Variants in SSUH2 observed in about 807,000 individuals in gnomAD.
The protein encoded by SSUH2 is ssu-2 homolog, also known as protein SSUH2 homolog.
Under a neutral mutation model 55.3 loss-of-function variants are expected in SSUH2, and 47 were observed. The observed-to-expected ratio is 0.85, with a 90% CI of 0.67 to 1.08. The LOEUF is 1.08. SSUH2 is among the 50% of genes least tolerant of loss of function. The pLI, the probability that SSUH2 is intolerant of heterozygous loss-of-function variation, is 0.00. For synonymous variants in SSUH2, 212 were observed against 191.5 expected (o/e 1.11, Z -0.89); for missense variants, 535 against 490.7 (o/e 1.09, Z -0.85).
Position 8,623,542 on chromosome 3 carries a change from G to T in SSUH2, c.981+7C>A. ...CAGAGCCAGATGGCCCCTCCGCCCT[G>T]GCTCACCTGCTGCAGGACGCGGGCA... On this transcript the variant is annotated splice_region_variant and intron_variant, in intron 11 of 11. Coordinates refer to ENST00000544814, the MANE Select transcript of SSUH2 (RefSeq NM_001256748.3). 1 of 1,532,404 alleles carries T rather than the reference G, an allele frequency of 6.5e-7. No homozygotes were observed. Among genetic ancestry groups the T allele is most frequent in the Non-Finnish European group, 8.9e-7 (1 of 1,129,760 alleles). The allele number at this position is 1,532,404 out of a possible 1,614,324, so 94.9% of individuals were successfully genotyped here. A position where few individuals can be genotyped will look rare whatever the true frequency, so the allele number is the denominator to read the frequency against.
upstream of SSUH2, chr3:8,644,804 T>C (rs1239952788): frequency 3.3e-6 from 5 of 1,526,046 alleles, no homozygotes; most frequent in Admixed American, 2.0e-5. Flanking sequence ...CGAGTGTGCT[T>C]GGACCGATGT....
chr3:8,640,143 G>C (rs778404154), intron 1 of SSUH2: 19 of 299,562 alleles, frequency 6.3e-5, no homozygotes, highest in Non-Finnish European at 9.3e-5. Context: ...AGGGGTTCCA[G>C]AGAAGGATGG....
At chr3:8,653,407 G>C (rs1702625169) in intron 7 of SSUH2, among the ~76,000 whole-genome samples, 1 of 152,200 alleles carries the variant, frequency 6.6e-6, no homozygotes, top group South Asian at 2.1e-4. Context: ...ATGTAAATTT[G>C]CTTATAAGTG....
At chr3:8,629,633 C>CTGACTCACCAGTGGTTCACATA in intron 7 of SSUH2, 31 bp downstream of exon 7, 10 of 1,587,724 alleles carry the variant, frequency 6.3e-6, no homozygotes, top group Non-Finnish European at 8.6e-6. Context: ...CACACCCTCA[C>CTGACTCACCAGTGGTTCACATA]TGACTCACCA....
At chr3:8,658,371 T>G (rs1575318608) in intron 7 of SSUH2, among the ~76,000 whole-genome samples, 1 of 152,026 alleles carries the variant, frequency 6.6e-6, no homozygotes, top group Admixed American at 6.5e-5. Context: ...AAAGAGGGGG[T>G]ACTCTGGGCC....
At chr3:8,681,004 G>GC (rs1705896189) in intron 1 of SSUH2, among the ~76,000 whole-genome samples, 1 of 151,220 alleles carries the variant, frequency 6.6e-6, no homozygotes, top group Non-Finnish European at 1.5e-5. Flanking sequence ...CCCCATCGCA[G>GC]TGGGGGAGGC....
At position 8,651,290 on chromosome 3, in the gene SSUH2, A is replaced by G. The variant is rs111671393; in HGVS notation, c.-307+7635T>C. On this transcript the variant is annotated intron_variant, in intron 7 of 18. Transcript: ENST00000317371. Reference sequence around the variant, plus strand: ...ATCCAGCCCATTGCATCTCTCGGCTATCTCAGCAAGCGGGGAGGCAAGTGA... The same window carrying G: ...ATCCAGCCCATTGCATCTCTCGGCTGTCTCAGCAAGCGGGGAGGCAAGTGA... Among the ~76,000 whole-genome samples the G allele has an allele frequency of 5.6e-4, 85 of 152,336 alleles. 1 individual carries two copies. Among genetic ancestry groups the G allele is most frequent in the African/African-American group, 1.9e-3 (81 of 41,576 alleles).
At chr3:8,666,537 CGT>C (rs1704008170) in intron 5 of SSUH2, among the ~76,000 whole-genome samples, 1 of 152,058 alleles carries the variant, frequency 6.6e-6, no homozygotes, top group Non-Finnish European at 1.5e-5. Flanking sequence ...CTGGAAGGTG[CGT>C]GTGTTGGGAA....
At chr3:8,661,182 C>T (rs1250851333) in intron 6 of SSUH2, among the ~76,000 whole-genome samples, 1 of 152,186 alleles carries the variant, frequency 6.6e-6, no homozygotes, top group Non-Finnish European at 1.5e-5. Context: ...GGCACTGTCC[C>T]CTGAATCCAC....
At chr3:8,633,605 C>T (rs1182309450) in intron 4 of SSUH2, 61 bp downstream of exon 4, 27 of 1,398,140 alleles carry the variant, frequency 1.9e-5, no homozygotes, top group South Asian at 3.0e-5. Flanking sequence ...CCTCCACTGT[C>T]CCAAAGCCCC....
intron 1 of SSUH2, among the ~76,000 whole-genome samples, chr3:8,641,771 C>T (rs1019422047): frequency 1.3e-5 from 2 of 152,240 alleles, no homozygotes; most frequent in Non-Finnish European, 2.9e-5. Context: ...GGCAGCTTGG[C>T]CCTTGCCAAG....
At chr3:8,679,715 G>C (rs934760582) in exon 2 of SSUH2, 8 of 191,976 alleles carry the variant, frequency 4.2e-5, no homozygotes, top group Non-Finnish European at 6.6e-5. Flanking sequence ...CTGGAGGACT[G>C]TGGGTATTAG....
chr3:8,626,099 C>T lies in SSUH2; in HGVS notation c.767+130G>A, dbSNP rs192332179. On this transcript the variant is annotated intron_variant, in intron 9 of 11. Transcript: ENST00000544814. ...CTGCCTCTTCCAAGGGAATTCTCCC[C>T]CTTCTAAGTCCTGGCAGGTTCTTGC... 6 of 729,846 alleles carry T rather than the reference C, an allele frequency of 8.2e-6. No homozygotes were observed. The Admixed American group carries it at 1.2e-4, about 15-fold the overall frequency. 45.2% of individuals were successfully genotyped at this position (729,846 alleles called of 1,614,324 possible).
At chr3:8,634,227 A>C in intron 3 of SSUH2, 1 of 573,668 alleles carries the variant, frequency 1.7e-6, no homozygotes. Flanking sequence ...TAGCAACATG[A>C]TGGGAAGACC....
At chr3:8,668,027 T>C (rs1361612891) in intron 5 of SSUH2, among the ~76,000 whole-genome samples, 2 of 152,062 alleles carry the variant, frequency 1.3e-5, no homozygotes, top group Non-Finnish European at 2.9e-5. Flanking sequence ...CTTACAGAAA[T>C]TAATTTTCAA....
intron 6 of SSUH2, among the ~76,000 whole-genome samples, chr3:8,630,284 AAC>A (rs1559334620): frequency 6.6e-6 from 1 of 152,218 alleles, no homozygotes; most frequent in Non-Finnish European, 1.5e-5. Context: ...AGCAGGCAGT[AAC>A]CGGAAAAGAA....
intron 1 of SSUH2, among the ~76,000 whole-genome samples, chr3:8,642,139 G>T (rs1700958196): frequency 6.6e-6 from 1 of 152,192 alleles, no homozygotes; most frequent in Non-Finnish European, 1.5e-5. Context: ...ACTTGAAGAG[G>T]CTTTTGCTCA....
intron 7 of SSUH2, among the ~76,000 whole-genome samples, chr3:8,653,623 C>T (rs1457062323): frequency 6.6e-6 from 1 of 152,166 alleles, no homozygotes; most frequent in African/African-American, 2.4e-5. Flanking sequence ...AGGCACTGGG[C>T]TGAATACGAA....
chr3:8,659,549 G>C (rs1296107291), intron 6 of SSUH2: 2 of 314,120 alleles, frequency 6.4e-6, no homozygotes, highest in Non-Finnish European at 1.2e-5. Context: ...GCCTTTCAGA[G>C]TTAGAGAATT....
Sources: gnomAD v4.1 joint callset for allele counts (sites outside exome capture counted in the v4.1 genomes callset) on GRCh38, gnomAD v4.1.1 for gene constraint, MANE v1.5 for transcripts, NCBI Gene and HGNC (gene_info 2026-07-23, HGNC 2026-07-21) for gene names.